Variants in TESK2 observed in about 807,000 individuals in gnomAD.
The protein encoded by TESK2 is dual specificity testis-specific protein kinase 2.
Under a neutral mutation model 57.1 loss-of-function variants are expected in TESK2, and 39 were observed. That is an observed-to-expected ratio of 0.68 (90% CI 0.53 to 0.89). The LOEUF is 0.89. Ranked by LOEUF, TESK2 falls within the 40% of genes least tolerant of loss-of-function variation. The pLI, the probability that TESK2 is intolerant of heterozygous loss-of-function variation, is 0.00. For missense variants in TESK2, 646 were observed against 732.1 expected (o/e 0.88, Z 1.36); for synonymous variants, 249 against 267.9 (o/e 0.93, Z 0.69).
At chr1:45,376,076 T>A (rs1328341790) in intron 4 of TESK2, among the ~76,000 whole-genome samples, 1 of 152,104 alleles carries the variant, frequency 6.6e-6, no homozygotes, top group Non-Finnish European at 1.5e-5. Flanking sequence ...AGCAAAAAAA[T>A]TAAATAAAAA....
At chr1:45,429,603 T>C (rs1650865438) in intron 2 of TESK2, among the ~76,000 whole-genome samples, 1 of 152,108 alleles carries the variant, frequency 6.6e-6, no homozygotes, top group African/African-American at 2.4e-5. Context: ...AGTTTTGGAT[T>C]GAGTTCCTGC....
At chr1:45,442,675 C>T (rs1433546007) in intron 2 of TESK2, among the ~76,000 whole-genome samples, 1 of 152,192 alleles carries the variant, frequency 6.6e-6, no homozygotes, top group Non-Finnish European at 1.5e-5. Context: ...TAGAAGCTGG[C>T]ACAATTATTC....
Position 45,347,643 on chromosome 1 carries a change from G to A in TESK2, c.674C>T (p.Pro225Leu). 2 of 1,614,140 alleles carry A rather than the reference G, an allele frequency of 1.2e-6. No individual in the cohort carries two copies. The highest frequency in any genetic ancestry group is 1.7e-6 in the Non-Finnish European group (2 of 1,180,036). The change falls in exon 7 of 11, where the codon CCT becomes CTT. Residue 225 changes from proline to leucine, a missense_variant. Coordinates refer to ENST00000372086, the MANE Select transcript of TESK2 (RefSeq NM_007170.3). The part of the protein sequence containing the change: ...AVVGSPFWMA[P>L]EVLRDEPYNE... ...ATAGGGCTCATCTCGGAGAACCTCAGGTGCCATCCAGAATGGGGAACCCAC... is the reference window on the plus strand; with the variant it reads ...ATAGGGCTCATCTCGGAGAACCTCAAGTGCCATCCAGAATGGGGAACCCAC...
chr1:45,372,001 C>A (rs1015794915), intron 4 of TESK2, among the ~76,000 whole-genome samples: 12 of 152,090 alleles, frequency 7.9e-5, no homozygotes, highest in African/African-American at 2.9e-4. Context: ...TCTATACTCC[C>A]AGCACTTTAG....
chr1:45,376,410 G>T (rs1433823474), intron 4 of TESK2, among the ~76,000 whole-genome samples: 1 of 151,180 alleles, frequency 6.6e-6, no homozygotes, highest in Non-Finnish European at 1.5e-5. Context: ...GTAGAGACAG[G>T]GTTTCACCAT....
intron 4 of TESK2, among the ~76,000 whole-genome samples, chr1:45,372,678 C>T (rs548485172): frequency 7.6e-4 from 115 of 151,748 alleles, no homozygotes; most frequent in African/African-American, 2.7e-3. Flanking sequence ...CAAGAATTTG[C>T]GGCTGTAATG....
chr1:45,394,167 G>T (rs769255251), intron 3 of TESK2, among the ~76,000 whole-genome samples: 14 of 151,674 alleles, frequency 9.2e-5, no homozygotes, highest in Non-Finnish European at 1.8e-4. Context: ...TTGAGACAAG[G>T]TCTTGCTCTG....
rs753143712 is a variant in TESK2, at chr1:45,385,949, A to G, written c.356T>C (p.Val119Ala). The change falls in exon 4 of 11, where the codon GTA becomes GCA. Residue 119 changes from valine (V) to alanine (A), a missense_variant. Physicochemically the swap from Val to Ala is moderately conservative, Grantham distance 64. Transcript: ENST00000372086. The stretch of plus-strand genomic sequence containing the variant: ...ATGCAATTGTCCTTGATGAACACAT[A>G]CACCCATGAACCTAAAGAACAAGAC... ...SHPNILRFMG[V>A]CVHQGQLHAL... 15 of 1,605,884 alleles carry G rather than the reference A, an allele frequency of 9.3e-6. No homozygotes were observed. Among genetic ancestry groups the G allele is most frequent in the Non-Finnish European group, 1.3e-5 (15 of 1,175,008 alleles).
At chr1:45,391,453 A>G (rs1178516732) in intron 3 of TESK2, among the ~76,000 whole-genome samples, 3 of 152,070 alleles carry the variant, frequency 2.0e-5, no homozygotes, top group Non-Finnish European at 4.4e-5. Flanking sequence ...GTTTGTGTCA[A>G]GCAATCCTCC....
chr1:45,356,802 T>A (rs1199968539), intron 4 of TESK2, among the ~76,000 whole-genome samples: 1 of 152,120 alleles, frequency 6.6e-6, no homozygotes, highest in Non-Finnish European at 1.5e-5. Context: ...CAGTCATGCA[T>A]TCCAAGGTCA....
chr1:45,424,246 C>T (rs575971787), intron 2 of TESK2, among the ~76,000 whole-genome samples: 2 of 152,160 alleles, frequency 1.3e-5, no homozygotes, highest in Non-Finnish European at 2.9e-5. Flanking sequence ...GCTATTAATA[C>T]AGGTCAGACA....
chr1:45,405,571 C>T (rs1326645392), intron 3 of TESK2, among the ~76,000 whole-genome samples: 2 of 151,554 alleles, frequency 1.3e-5, no homozygotes, highest in East Asian at 3.9e-4. Context: ...GCGGGCAGAT[C>T]GCTTGAGCTC....
chr1:45,466,412 T>C (rs935521132), intron 1 of TESK2, among the ~76,000 whole-genome samples: 2 of 149,930 alleles, frequency 1.3e-5, no homozygotes, highest in African/African-American at 4.9e-5. Flanking sequence ...GAGGCAGAGG[T>C]TGAGTGAGCT....
At chr1:45,448,891 G>A (rs1438037915) in intron 2 of TESK2, among the ~76,000 whole-genome samples, 1 of 152,094 alleles carries the variant, frequency 6.6e-6, no homozygotes, top group Non-Finnish European at 1.5e-5. Context: ...TACTGACAAG[G>A]ATATGGACCA....
chr1:45,359,772 G>A (rs1399668158), intron 4 of TESK2, among the ~76,000 whole-genome samples: 2 of 152,038 alleles, frequency 1.3e-5, no homozygotes, highest in Non-Finnish European at 2.9e-5. Flanking sequence ...GCTGAGGCAC[G>A]AGAATCACTT....
intron 4 of TESK2, among the ~76,000 whole-genome samples, chr1:45,381,317 A>G (rs1434575451): frequency 6.6e-6 from 1 of 152,194 alleles, no homozygotes; most frequent in Non-Finnish European, 1.5e-5. Flanking sequence ...CTTTTGACAC[A>G]TAACTTTGCG....
chr1:45,380,018 C>T (rs1358034992), intron 4 of TESK2, among the ~76,000 whole-genome samples: 2 of 152,084 alleles, frequency 1.3e-5, no homozygotes, highest in Non-Finnish European at 2.9e-5. Flanking sequence ...CCTGCCTCAG[C>T]CTCCGGAGTA....
chr1:45,488,961 G>C (rs549162828), intron 1 of TESK2, among the ~76,000 whole-genome samples: 1 of 151,994 alleles, frequency 6.6e-6, no homozygotes, highest in Admixed American at 6.6e-5. Context: ...TCAGGAGTTC[G>C]AGACCAGCCT....
chr1:45,360,652 G>C (rs1193924541), intron 4 of TESK2, among the ~76,000 whole-genome samples: 2 of 152,202 alleles, frequency 1.3e-5, no homozygotes, highest in Non-Finnish European at 2.9e-5. Flanking sequence ...AAGGACCAGA[G>C]AGGGAAAACA....
Sources: allele counts gnomAD v4.1 joint callset (sites outside exome capture counted in the v4.1 genomes callset), GRCh38; gene constraint gnomAD v4.1.1; transcripts MANE v1.5; gene names NCBI Gene and HGNC (gene_info 2026-07-23, HGNC 2026-07-21).